Variants in CCDC85C observed in about 807,000 individuals in gnomAD.
The protein encoded by CCDC85C is coiled-coil domain containing 85C.
A neutral mutation model predicts 38.3 loss-of-function variants in CCDC85C; 18 were observed. The ratio of observed to expected loss-of-function variants is 0.47; its 90% CI spans 0.33 to 0.70. The LOEUF is 0.70. CCDC85C is among the 30% of genes least tolerant of loss of function. The pLI, the probability that CCDC85C is intolerant of heterozygous loss-of-function variation, is 0.03. For missense variants in CCDC85C, 566 were observed against 621.2 expected (o/e 0.91, Z 0.94); for synonymous variants, 264 against 293.8 (o/e 0.90, Z 1.04).
rs1897082674 is a variant in CCDC85C, at chr14:99,510,108, G to A, written c.*5138C>T. 24 of 1,543,650 alleles carry A rather than the reference G, an allele frequency of 1.6e-5. No individual in the cohort carries two copies. The highest frequency in any genetic ancestry group is 2.1e-5 in the Non-Finnish European group (24 of 1,150,376). On this transcript the variant is annotated 3_prime_UTR_variant, in exon 6 of 6. Coordinates refer to ENST00000380243, the MANE Select transcript of CCDC85C (RefSeq NM_001144995.2). ...TGAAGGGCCAGGAGGCACTGAAAAA[G>A]CAACCATTGCTGGCGGAGGCCGGGC...
At position 99,510,056 on chromosome 14, in the gene CCDC85C, C is replaced by G; in HGVS notation, c.*5190G>C. 1 of 1,215,194 alleles carries G rather than the reference C, an allele frequency of 8.2e-7. No individual in the cohort carries two copies. Among genetic ancestry groups the G allele is most frequent in the Non-Finnish European group, 1.1e-6 (1 of 889,884 alleles). 75.3% of individuals were successfully genotyped at this position (1,215,194 alleles called of 1,614,324 possible). On this transcript the variant is annotated 3_prime_UTR_variant, in exon 6 of 6. Transcript: ENST00000380243. ...GGGCCACAGAGGAGGCGGGCAGCTG[C>G]TCCCTGCTCCTCTGTAAAGATGGCC...
chr14:99,528,812 G>T (rs1897438363), intron 2 of CCDC85C, among the ~76,000 whole-genome samples: 1 of 152,062 alleles, frequency 6.6e-6, no homozygotes, highest in South Asian at 2.1e-4. Flanking sequence ...ATTTGTAGGG[G>T]GGAACAACAC....
At chr14:99,521,579 A>G (rs908506516) in intron 3 of CCDC85C, among the ~76,000 whole-genome samples, 3 of 152,184 alleles carry the variant, frequency 2.0e-5, no homozygotes, top group Non-Finnish European at 4.4e-5. Flanking sequence ...GAAGTCCCAC[A>G]AGGCAAGGCC....
At chr14:99,530,255 C>G (rs988613178) in intron 2 of CCDC85C, among the ~76,000 whole-genome samples, 1 of 152,210 alleles carries the variant, frequency 6.6e-6, no homozygotes, top group Non-Finnish European at 1.5e-5. Flanking sequence ...GGGTTTCCTC[C>G]CTGGGCAAGG....
chr14:99,534,364 A>T (rs907486134), intron 2 of CCDC85C, among the ~76,000 whole-genome samples: 4 of 152,196 alleles, frequency 2.6e-5, no homozygotes, highest in Non-Finnish European at 5.9e-5. Context: ...CTCAAAAAAA[A>T]AAAAAGAAAG....
chr14:99,543,198 G>C (rs746867023), intron 1 of CCDC85C, among the ~76,000 whole-genome samples: 8 of 152,166 alleles, frequency 5.3e-5, no homozygotes, highest in Non-Finnish European at 1.0e-4. Flanking sequence ...TTCCCAGTAT[G>C]GCAAAGGAAG....
intron 1 of CCDC85C, among the ~76,000 whole-genome samples, chr14:99,598,529 C>T (rs370449490): frequency 5.9e-5 from 9 of 152,282 alleles, no homozygotes; most frequent in African/African-American, 2.2e-4. Flanking sequence ...CACCCTGCAC[C>T]GCCTTCCCCC....
chr14:99,590,479 G>A (rs1317150554), intron 1 of CCDC85C, among the ~76,000 whole-genome samples: 4 of 152,224 alleles, frequency 2.6e-5, no homozygotes, highest in Non-Finnish European at 2.9e-5. Flanking sequence ...GGTACCGGGG[G>A]CCTCCAGGGC....
At chr14:99,527,538 C>T (rs574368396) in intron 2 of CCDC85C, among the ~76,000 whole-genome samples, 50 of 152,254 alleles carry the variant, frequency 3.3e-4, no homozygotes, top group African/African-American at 1.2e-3. Flanking sequence ...CCACGGGTCT[C>T]GAGGCTGGGC....
intron 1 of CCDC85C, among the ~76,000 whole-genome samples, chr14:99,599,096 G>C (rs991455643): frequency 6.6e-6 from 1 of 152,088 alleles, no homozygotes; most frequent in East Asian, 1.9e-4. Context: ...CTTATTAGCC[G>C]AGCTGCTGCA....
intron 1 of CCDC85C, among the ~76,000 whole-genome samples, chr14:99,538,891 C>T (rs539647660): frequency 2.8e-4 from 43 of 152,172 alleles, no homozygotes; most frequent in Non-Finnish European, 4.9e-4. Flanking sequence ...CCCTGCCTGC[C>T]CATAGCCAGC....
intron 1 of CCDC85C, among the ~76,000 whole-genome samples, chr14:99,566,948 A>T (rs1042805984): frequency 6.6e-6 from 1 of 152,172 alleles, no homozygotes. Context: ...TGAGCATGCT[A>T]GCATAACATC....
intron 2 of CCDC85C, among the ~76,000 whole-genome samples, chr14:99,523,940 A>G (rs1325175420): frequency 7.5e-6 from 1 of 132,866 alleles, no homozygotes; most frequent in Non-Finnish European, 1.6e-5. Flanking sequence ...CCCACCCACC[A>G]GGTACCAAAA....
At chr14:99,539,991 T>C (rs1165124407) in intron 1 of CCDC85C, among the ~76,000 whole-genome samples, 1 of 151,946 alleles carries the variant, frequency 6.6e-6, no homozygotes, top group Non-Finnish European at 1.5e-5. Flanking sequence ...CTACTAAAAA[T>C]ATAAAAATTA....
At chr14:99,532,970 C>T (rs763209574) in intron 2 of CCDC85C, among the ~76,000 whole-genome samples, 5 of 152,026 alleles carry the variant, frequency 3.3e-5, no homozygotes, top group African/African-American at 4.8e-5. Flanking sequence ...TTAGTAGAGA[C>T]GAGGTTTTGC....
chr14:99,546,058 G>T (rs1037539715), intron 1 of CCDC85C, among the ~76,000 whole-genome samples: 3 of 113,508 alleles, frequency 2.6e-5, no homozygotes, highest in East Asian at 2.0e-4. Flanking sequence ...AAGTCTGCAT[G>T]GGGGGGGGGA....
At position 99,503,121 on chromosome 14, in the gene CCDC85C, C is replaced by T. The variant is rs951974805; in HGVS notation, c.*12125G>A. The T allele has an allele frequency of 3.4e-5, 34 of 1,001,320 alleles. No homozygotes were observed. Among genetic ancestry groups the T allele is most frequent in the African/African-American group, 6.3e-5 (4 of 63,322 alleles). The allele number at this position is 1,001,320 out of a possible 1,614,324, so 62.0% of individuals were successfully genotyped here. On this transcript the variant is annotated 3_prime_UTR_variant, in exon 6 of 6. Transcript: ENST00000380243. ...TTCGCCGAAACTCGCAGTCCGACTG[C>T]TTGTCGGTGGGGAGCCTGAAAACAA...
chr14:99,589,676 G>A (rs956978953), intron 1 of CCDC85C, among the ~76,000 whole-genome samples: 1 of 152,124 alleles, frequency 6.6e-6, no homozygotes, highest in African/African-American at 2.4e-5. Context: ...CTGGCTGATG[G>A]GTTGCAGAGG....
chr14:99,504,012 G>A lies in CCDC85C; in HGVS notation c.*11234C>T. On this transcript the variant is annotated 3_prime_UTR_variant, in exon 6 of 6. Coordinates refer to ENST00000380243, the MANE Select transcript of CCDC85C (RefSeq NM_001144995.2). ...CACCAAGCCACAGCAGATGCGGGGG[G>A]GCAGTAGGGGGTGGTGTGCTGCCCG... The A allele has an allele frequency of 2.8e-6, 1 of 360,798 alleles. No individual in the cohort carries two copies. Among genetic ancestry groups the A allele is most frequent in the Non-Finnish European group, 5.4e-6 (1 of 185,720 alleles). 22.3% of individuals were successfully genotyped at this position (360,798 alleles called of 1,614,324 possible).
Sources: allele counts gnomAD v4.1 joint callset (sites outside exome capture counted in the v4.1 genomes callset), GRCh38; gene constraint gnomAD v4.1.1; transcripts MANE v1.5; gene names NCBI Gene and HGNC (gene_info 2026-07-23, HGNC 2026-07-21).